Variants in MARCHF7 observed in about 807,000 individuals in gnomAD.
The protein encoded by MARCHF7 is E3 ubiquitin-protein ligase MARCHF7.
A neutral mutation model predicts 76.5 loss-of-function variants in MARCHF7; 20 were observed. That is an observed-to-expected ratio of 0.26 (90% CI 0.18 to 0.38). The LOEUF (loss-of-function observed/expected upper bound fraction) is 0.38. Ranked by LOEUF, MARCHF7 falls within the 10% of genes least tolerant of loss-of-function variation. MARCHF7 has a pLI of 1.00. For missense variants in MARCHF7, 797 were observed against 812.9 expected, an observed-to-expected ratio of 0.98 and a Z score of 0.24; for synonymous variants, 295 against 293.0, an observed-to-expected ratio of 1.01 and a Z score of -0.07.
chr2:159,720,971 C>T (rs1411964843), intron 3 of MARCHF7, among the ~76,000 whole-genome samples: 3 of 152,110 alleles, frequency 2.0e-5, no homozygotes, highest in Non-Finnish European at 4.4e-5. Flanking sequence ...AATTCTCCTG[C>T]CTTAGTCTCC....
At chr2:159,749,021 C>A in intron 7 of MARCHF7, 118 bp downstream of exon 7, 1 of 1,163,020 alleles carries the variant, frequency 8.6e-7, no homozygotes, top group Non-Finnish European at 1.1e-6. Context: ...GTCTGTCACC[C>A]AGGCTGGAGT....
intron 7 of MARCHF7, 89 bp downstream of exon 7, chr2:159,748,992 TTTTTGAG>T (rs1705266445): frequency 7.5e-7 from 1 of 1,326,124 alleles, no homozygotes; most frequent in Non-Finnish European, 9.9e-7. Flanking sequence ...TTTTTTTTTT[TTTTTGAG>T]ACGGAGTCTC....
At chr2:159,757,716 C>T (rs1706507982) in intron 8 of MARCHF7, among the ~76,000 whole-genome samples, 1 of 152,182 alleles carries the variant, frequency 6.6e-6, no homozygotes, top group African/African-American at 2.4e-5. Flanking sequence ...TAATAAGTCT[C>T]TTACTCCATA....
intron 4 of MARCHF7, among the ~76,000 whole-genome samples, chr2:159,736,261 C>T (rs1489252308): frequency 6.6e-6 from 1 of 152,200 alleles, no homozygotes; most frequent in African/African-American, 2.4e-5. Flanking sequence ...CCAGTCTCTC[C>T]ACATTCTCAT....
chr2:159,750,575 CTT>C (rs1037450626), intron 7 of MARCHF7, among the ~76,000 whole-genome samples: 5 of 151,970 alleles, frequency 3.3e-5, no homozygotes, highest in African/African-American at 1.2e-4. Flanking sequence ...GGCATAGAAT[CTT>C]TTTATACAAA....
In MARCHF7 at chr2:159,743,114, A is replaced by C; in HGVS notation, c.207A>C (p.Glu69Asp). 1 of 1,614,216 alleles carries C rather than the reference A, an allele frequency of 6.2e-7. No homozygotes were observed. Among genetic ancestry groups the C allele is most frequent in the Non-Finnish European group, 8.5e-7 (1 of 1,180,040 alleles). ...CATTTCAATCTGCATGGTATAGTGA[A>C]TCTGAGATAACTCAGGGAGCACGCT... is the stretch of plus-strand genomic sequence containing the variant. ...ASPFQSAWYS[E>D]SEITQGARSR... Residue 69 changes from glutamate (E) to aspartate (D), a missense_variant, in exon 5 of 12, where the codon GAA (glutamate) becomes GAC (aspartate). Glu to Asp is a conservative substitution (Grantham distance 45). Coordinates refer to ENST00000409175, the MANE Select transcript of MARCHF7 (RefSeq NM_001282805.2).
intron 11 of MARCHF7, 98 bp downstream of exon 11, chr2:159,764,772 G>A (rs1707560027): frequency 4.9e-6 from 4 of 821,086 alleles, no homozygotes; most frequent in African/African-American, 1.8e-5. Flanking sequence ...CCAAATTAGA[G>A]CTCATTTATA....
Position 159,745,830 on chromosome 2 carries a change from G to A in MARCHF7, c.407G>A (p.Gly136Glu). The A allele has an allele frequency of 6.2e-7, 1 of 1,612,952 alleles. No individual in the cohort carries two copies. The change falls in exon 6 of 12, where the codon GGA (glycine) becomes GAA (glutamate). Residue 136 changes from glycine (G) to glutamate (E), a missense_variant. Coordinates refer to ENST00000409175, the MANE Select transcript of MARCHF7 (RefSeq NM_001282805.2). ...RSSSMVLGSF[G>E]TDLMRERRDL... The stretch of plus-strand genomic sequence containing the variant: ...TCATCAATGGTACTTGGATCATTTG[G>A]AACAGACTTAATGAGAGAGAGGAGA...
At chr2:159,725,361 TA>T (rs1702049140) in intron 3 of MARCHF7, among the ~76,000 whole-genome samples, 1 of 152,222 alleles carries the variant, frequency 6.6e-6, no homozygotes, top group Admixed American at 6.5e-5. Context: ...CCTGACTTTT[TA>T]ATGATTGCCA....
chr2:159,745,251 A>G (rs879943051), intron 5 of MARCHF7, among the ~76,000 whole-genome samples: 1 of 152,228 alleles, frequency 6.6e-6, no homozygotes, highest in East Asian at 1.9e-4. Context: ...AGAGAAGAAT[A>G]TGTTTAGAGT....
chr2:159,745,049 T>G (rs115618153), intron 5 of MARCHF7, among the ~76,000 whole-genome samples: 44 of 152,360 alleles, frequency 2.9e-4, no homozygotes, highest in African/African-American at 1.0e-3. Flanking sequence ...ACATCTTCCC[T>G]TTCCGGATGC....
Position 159,769,981 on chromosome 2 carries a change from C to T in MARCHF7, c.*2639C>T, listed in dbSNP as rs145527165. 1.6e-4 allele frequency: 24 copies of T among 152,296 alleles called. No individual in the cohort carries two copies. Among genetic ancestry groups the T allele is most frequent in the African/African-American group, 5.5e-4 (23 of 41,566 alleles). 9.4% of individuals were successfully genotyped at this position (152,296 alleles called of 1,614,324 possible). On this transcript the variant is annotated 3_prime_UTR_variant, in exon 12 of 12. Transcript: ENST00000409175. ...TAAACTAAATTTACTTAAATAGCCTCATGTGGCTAGTGGCTCATTGGACAT... is the reference window on the plus strand; with the variant it reads ...TAAACTAAATTTACTTAAATAGCCTTATGTGGCTAGTGGCTCATTGGACAT...
chr2:159,766,257 G>T (rs1416744923), intron 11 of MARCHF7, among the ~76,000 whole-genome samples: 1 of 151,996 alleles, frequency 6.6e-6, no homozygotes, highest in Non-Finnish European at 1.5e-5. Context: ...TTTTTAGTTT[G>T]GTATTTCTCA....
intron 10 of MARCHF7, among the ~76,000 whole-genome samples, chr2:159,764,110 T>G (rs190818580): frequency 1.3e-5 from 2 of 152,224 alleles, no homozygotes; most frequent in East Asian, 3.9e-4. Context: ...TTACAGAATT[T>G]TGGATGATAC....
chr2:159,721,516 A>G (rs981831430), intron 3 of MARCHF7, among the ~76,000 whole-genome samples: 3 of 152,256 alleles, frequency 2.0e-5, no homozygotes, highest in African/African-American at 7.2e-5. Flanking sequence ...CTGCATTATC[A>G]GCTTCAGAGA....
At chr2:159,744,739 T>C (rs1243008657) in intron 5 of MARCHF7, among the ~76,000 whole-genome samples, 1 of 152,232 alleles carries the variant, frequency 6.6e-6, no homozygotes, top group African/African-American at 2.4e-5. Flanking sequence ...AACACCACTG[T>C]GCCAGAGATA....
At chr2:159,716,823 C>G (rs943557824) in intron 3 of MARCHF7, among the ~76,000 whole-genome samples, 7 of 152,246 alleles carry the variant, frequency 4.6e-5, no homozygotes, top group African/African-American at 1.7e-4. Context: ...AGACTGCAGG[C>G]ATAAGATAAT....
At chr2:159,716,828 G>C (rs1305643977) in intron 3 of MARCHF7, among the ~76,000 whole-genome samples, 1 of 152,208 alleles carries the variant, frequency 6.6e-6, no homozygotes, top group African/African-American at 2.4e-5. Flanking sequence ...GCAGGCATAA[G>C]ATAATGGTAT....
intron 4 of MARCHF7, among the ~76,000 whole-genome samples, chr2:159,740,496 A>G (rs1344912840): frequency 6.6e-6 from 1 of 152,248 alleles, no homozygotes; most frequent in Non-Finnish European, 1.5e-5. Context: ...TTAAATTAAA[A>G]CATTTTTTTA....
Sources: allele counts gnomAD v4.1 joint callset (sites outside exome capture counted in the v4.1 genomes callset), GRCh38; gene constraint gnomAD v4.1.1; transcripts MANE v1.5; gene names NCBI Gene and HGNC (gene_info 2026-07-23, HGNC 2026-07-21).